The following TTC28 variants were observed in gnomAD, a reference collection of about 807,000 sequenced individuals.
TTC28 encodes tetratricopeptide repeat protein 28.
TTC28 carries 61 observed loss-of-function variants against 198.0 expected under a neutral mutation model. The observed-to-expected ratio is 0.31, with a 90% CI of 0.25 to 0.38. The LOEUF is 0.38. Ranked by LOEUF, TTC28 falls within the 10% of genes least tolerant of loss-of-function variation. TTC28 has a pLI of 1.00. For synonymous variants in TTC28, 1,171 were observed against 1,297.8 expected, an observed-to-expected ratio of 0.90 and a Z score of 2.10; for missense variants, 2,678 against 3,164.0, an observed-to-expected ratio of 0.85 and a Z score of 3.69.
intron 1 of TTC28, among the ~76,000 whole-genome samples, chr22:28,658,351 G>A (rs1226970423): frequency 6.6e-6 from 1 of 152,196 alleles, no homozygotes; most frequent in Non-Finnish European, 1.5e-5. Context: ...AAGCAGAAGA[G>A]TAATCATATT....
intron 16 of TTC28, chr22:27,998,132 G>A (rs1281800023): frequency 9.2e-6 from 2 of 216,364 alleles, no homozygotes; most frequent in Non-Finnish European, 1.8e-5. Context: ...TGTTACCCCT[G>A]AGAACACAGC....
intron 5 of TTC28, among the ~76,000 whole-genome samples, chr22:28,221,205 A>C (rs1381748686): frequency 6.6e-6 from 1 of 152,114 alleles, no homozygotes; most frequent in Non-Finnish European, 1.5e-5. Context: ...CAGTGTCTGG[A>C]CTAGCTCCAG....
At chr22:28,160,932 A>C (rs992478685) in intron 6 of TTC28, among the ~76,000 whole-genome samples, 1 of 152,198 alleles carries the variant, frequency 6.6e-6, no homozygotes, top group Non-Finnish European at 1.5e-5. Context: ...TTTCACAGAA[A>C]CCTAGAGAGA....
chr22:28,266,036 C>T (rs958653716), intron 5 of TTC28, among the ~76,000 whole-genome samples: 1 of 151,850 alleles, frequency 6.6e-6, no homozygotes, highest in Non-Finnish European at 1.5e-5. Context: ...AAAAATTAGC[C>T]GGGTTTAGTG....
chr22:28,237,309 G>A (rs567550771), intron 5 of TTC28, among the ~76,000 whole-genome samples: 27 of 152,106 alleles, frequency 1.8e-4, no homozygotes, highest in Non-Finnish European at 3.5e-4. Flanking sequence ...CCTCTCCCAC[G>A]CATCCTAGAA....
At chr22:28,031,423 G>A (rs1299592423) in intron 12 of TTC28, among the ~76,000 whole-genome samples, 2 of 152,244 alleles carry the variant, frequency 1.3e-5, no homozygotes, top group Non-Finnish European at 2.9e-5. Context: ...GGACCGGTGT[G>A]AAGAAGTGGA....
intron 6 of TTC28, among the ~76,000 whole-genome samples, chr22:28,134,973 G>A (rs1019730438): frequency 6.6e-6 from 1 of 152,210 alleles, no homozygotes; most frequent in Non-Finnish European, 1.5e-5. Context: ...CAGATCTTTT[G>A]AGCATCGGTA....
intron 5 of TTC28, among the ~76,000 whole-genome samples, chr22:28,207,309 TA>T (rs1477527673): frequency 1.3e-5 from 2 of 150,688 alleles, no homozygotes; most frequent in Non-Finnish European, 3.0e-5. Flanking sequence ...TAATTTATCC[TA>T]AAAATCACTA....
At chr22:28,676,750 G>A (rs1433736313) in intron 1 of TTC28, among the ~76,000 whole-genome samples, 1 of 151,416 alleles carries the variant, frequency 6.6e-6, no homozygotes, top group Non-Finnish European at 1.5e-5. Context: ...CAGGTGTGGT[G>A]GCTCACAGTT....
chr22:28,086,935 C>T (rs1163764909), intron 12 of TTC28, among the ~76,000 whole-genome samples: 2 of 152,144 alleles, frequency 1.3e-5, no homozygotes, highest in Non-Finnish European at 2.9e-5. Flanking sequence ...TTCCTCGACA[C>T]ATACACCCTC....
intron 5 of TTC28, among the ~76,000 whole-genome samples, chr22:28,264,963 G>C (rs1010741776): frequency 3.3e-5 from 5 of 152,102 alleles, no homozygotes; most frequent in Admixed American, 2.0e-4. Flanking sequence ...AATATTCTAT[G>C]TTTTCAACCT....
Position 28,629,649 on chromosome 22 carries a change from T to C in TTC28, c.284A>G (p.Tyr95Cys), listed in dbSNP as rs2051139108. The change falls in exon 2 of 23, where the codon TAC becomes TGC. Residue 95 changes from tyrosine to cysteine, a missense_variant. By Grantham distance (194) the Tyr-to-Cys change is radical. Around this residue, in one of 8 missense-constraint regions of TTC28, gnomAD observed 176 missense variants for 197.9 expected, o/e 0.89. Transcript: ENST00000397906. ...CATGTAGGCTGCAGATCTATTGCTG[T>C]ATAAGATGCAGTTCTGAGGGTCAAC... ...LAVDPQNCIL[Y>C]SNRSAAYMKI... 4.5e-6 allele frequency: 7 copies of C among 1,551,564 alleles called. No homozygotes were observed. Among genetic ancestry groups the C allele is most frequent in the Admixed American group, 3.9e-5 (2 of 50,984 alleles).
At chr22:28,560,830 C>T (rs1356561263) in intron 2 of TTC28, among the ~76,000 whole-genome samples, 1 of 149,778 alleles carries the variant, frequency 6.7e-6, no homozygotes, top group African/African-American at 2.5e-5. Context: ...TGTCTCGGCT[C>T]ACTCCAACCT....
chr22:28,106,994 T>C lies in TTC28; in HGVS notation c.2783+68A>G. 3 of 1,478,916 alleles carry C rather than the reference T, an allele frequency of 2.0e-6. No individual in the cohort carries two copies. The South Asian group carries it at 4.2e-5, about 21-fold the overall frequency. The allele number at this position is 1,478,916 out of a possible 1,614,324, so 91.6% of individuals were successfully genotyped here. A position where few individuals can be genotyped will look rare whatever the true frequency, so the allele number is the denominator to read the frequency against. On this transcript the variant is annotated intron_variant, in intron 7 of 22. Transcript: ENST00000397906. The stretch of plus-strand genomic sequence containing the variant: ...AACAAACTGCCATGCAGACACGAAG[T>C]TGCCTTTACTGCCACAAATGCTCTT...
chr22:28,014,176 T>C (rs2146583470), intron 14 of TTC28, 72 bp downstream of exon 14: 2 of 1,484,858 alleles, frequency 1.3e-6, no homozygotes, highest in East Asian at 5.0e-5. Flanking sequence ...CTAAGAGGGA[T>C]ACATGTGGGC....
At chr22:28,080,259 C>T (rs1368234695) in intron 12 of TTC28, among the ~76,000 whole-genome samples, 1 of 152,146 alleles carries the variant, frequency 6.6e-6, no homozygotes, top group Non-Finnish European at 1.5e-5. Flanking sequence ...AGAGGAATGT[C>T]CATACTGTTT....
chr22:28,614,692 G>A (rs1385161990), intron 2 of TTC28, among the ~76,000 whole-genome samples: 2 of 152,092 alleles, frequency 1.3e-5, no homozygotes, highest in Non-Finnish European at 2.9e-5. Context: ...AAGCAATGGG[G>A]GAAGGATTCC....
intron 2 of TTC28, among the ~76,000 whole-genome samples, chr22:28,561,811 G>C (rs1423930354): frequency 1.3e-5 from 2 of 151,918 alleles, no homozygotes; most frequent in African/African-American, 4.8e-5. Context: ...CTTCAGAAAG[G>C]CTTTTTTTTA....
At position 28,192,041 on chromosome 22, in the gene TTC28, G is replaced by A. The variant is rs557288227; in HGVS notation, c.934-28442C>T. 9.3e-4 allele frequency among the ~76,000 whole-genome samples: 142 copies of A among 152,370 alleles called. 1 individual carries two copies. The highest frequency in any genetic ancestry group is 3.2e-3 in the African/African-American group (135 of 41,596). ...TAGCCTAACTGGGAGGCACCCCCCA[G>A]TAGGGGCAGACTGACACCTCACACG... On this transcript the variant is annotated intron_variant, in intron 5 of 22. Transcript: ENST00000397906.
Sources: gnomAD v4.1 joint callset for allele counts (sites outside exome capture counted in the v4.1 genomes callset) on GRCh38, gnomAD v4.1.1 for gene constraint, gnomAD v4.1.1 regional missense constraint, MANE v1.5 for transcripts, NCBI Gene and HGNC (gene_info 2026-07-23, HGNC 2026-07-21) for gene names.